Variants in ARAP1 observed in about 807,000 individuals in gnomAD.
ARAP1 encodes the protein arf-GAP with Rho-GAP domain, ANK repeat and PH domain-containing protein 1.
A neutral mutation model predicts 172.2 loss-of-function variants in ARAP1; 76 were observed. The observed-to-expected ratio is 0.44, with a 90% CI of 0.37 to 0.53. ARAP1 has a LOEUF of 0.53. Ranked by LOEUF, ARAP1 falls within the 20% of genes least tolerant of loss-of-function variation. The probability of loss-of-function intolerance (pLI) is 0.00; values close to 1 mark genes in which losing one functional copy is unlikely to be tolerated. For missense variants in ARAP1, 1,686 were observed against 1,977.5 expected, an observed-to-expected ratio of 0.85 and a Z score of 2.80; for synonymous variants, 804 against 803.3, an observed-to-expected ratio of 1.00 and a Z score of -0.01.
intron 1 of ARAP1, among the ~76,000 whole-genome samples, chr11:72,734,531 C>A (rs1210814449): frequency 6.6e-6 from 1 of 152,166 alleles, no homozygotes; most frequent in East Asian, 1.9e-4. Context: ...GAAAAAGAGA[C>A]CACATAAACA....
chr11:72,717,074 A>G (rs535140822), intron 3 of ARAP1, among the ~76,000 whole-genome samples: 5 of 152,246 alleles, frequency 3.3e-5, no homozygotes, highest in Admixed American at 2.6e-4. Flanking sequence ...AGGTGGGTGG[A>G]CAGGTGGGCA....
chr11:72,722,870 C>T (rs1427571131), intron 3 of ARAP1, among the ~76,000 whole-genome samples: 2 of 152,276 alleles, frequency 1.3e-5, no homozygotes, highest in Middle Eastern at 3.4e-3. Context: ...CTCATGTCTG[C>T]GGCATTTAAG....
In ARAP1 at chr11:72,726,955, G is replaced by A. The variant is rs1300359464; in HGVS notation, c.174C>T (p.Arg58=). 1.9e-6 allele frequency: 3 copies of A among 1,599,542 alleles called. No individual in the cohort carries two copies. The highest frequency in any genetic ancestry group is 2.3e-5 in the East Asian group (1 of 44,206). Residue 58 remains arginine (R), a synonymous_variant, in exon 3 of 35, where the codon CGC becomes CGT. Coordinates refer to ENST00000393609, the MANE Select transcript of ARAP1 (RefSeq NM_001040118.3). This position sits in a 1 kb window ranked among gnomAD's most constrained non-coding sequence, Gnocchi z 6.5. ...CACGGAGCAGGCCAGCCAGGATGCG[G>A]CGGCGGTGACCAGGGAGTAGCATGC... ...DMGMLLPGHR[R]RILAGLLRAH... is the part of the protein sequence containing the mutation.
In ARAP1 at chr11:72,685,079, T is replaced by C. The variant is rs1463207891; in HGVS notation, c.*585A>G. 6.5e-6 allele frequency: 1 copy of C among 153,158 alleles called. No homozygotes were observed. The highest frequency in any genetic ancestry group is 6.5e-5 in the Admixed American group (1 of 15,460). The allele number at this position is 153,158 out of a possible 1,614,324, so 9.5% of individuals were successfully genotyped here. On this transcript the variant is annotated 3_prime_UTR_variant, in exon 35 of 35. Transcript: ENST00000393609. ...CAGGCCTCAGCACCATAGGGTAAAA[T>C]ATACAGATATATTTATATTATCAAA...
chr11:72,693,235 A>T lies in ARAP1; in HGVS notation c.3954+90T>A. The T allele has an allele frequency of 6.6e-7, 1 of 1,526,428 alleles. No homozygotes were observed. The highest frequency in any genetic ancestry group is 8.9e-7 in the Non-Finnish European group (1 of 1,124,850). 94.6% of individuals were successfully genotyped at this position (1,526,428 alleles called of 1,614,324 possible). ...GCCATCCTGAGAGCCTGTAACGGGAATATTTCCACTTGCAGACCAAGGGGA... is the reference window on the plus strand; with the variant it reads ...GCCATCCTGAGAGCCTGTAACGGGATTATTTCCACTTGCAGACCAAGGGGA... On this transcript the variant is annotated intron_variant, in intron 29 of 34. Transcript: ENST00000393609. This position sits in a 1 kb window ranked among gnomAD's most constrained non-coding sequence, Gnocchi z 4.6.
At chr11:72,712,376 G>A (rs766562719) in intron 6 of ARAP1, 37 bp from the exon 7 acceptor site, 7 of 1,537,474 alleles carry the variant, frequency 4.6e-6, no homozygotes, top group Non-Finnish European at 6.2e-6. Flanking sequence ...CCGGGCTGAG[G>A]AGGCAAGGAG....
At chr11:72,708,987 A>G (rs1396252384) in intron 11 of ARAP1, among the ~76,000 whole-genome samples, 1 of 149,994 alleles carries the variant, frequency 6.7e-6, no homozygotes, top group East Asian at 2.0e-4. Context: ...CAGTGAGCCG[A>G]GATCGTGCCA....
rs139543746 is a variant in ARAP1 at position 72,731,743 on chromosome 11, C to T, written c.-45+772G>A. ...TCTTTAGATCCTGGAAGGAGCCCTG[C>T]ACCTCAAACTCCAGCTTCCCTGGAA... On this transcript the variant is annotated intron_variant, in intron 2 of 34. Transcript: ENST00000393609. Among the ~76,000 whole-genome samples, 560 of 152,324 alleles carry T rather than the reference C, an allele frequency of 3.7e-3. 4 individuals are homozygous for T. The highest frequency in any genetic ancestry group is 0.013 in the African/African-American group (537 of 41,580).
At chr11:72,737,195 T>C (rs1858056581) in intron 1 of ARAP1, among the ~76,000 whole-genome samples, 1 of 152,166 alleles carries the variant, frequency 6.6e-6, no homozygotes, top group Admixed American at 6.5e-5. Context: ...TGAGAGTCCA[T>C]ACCCCTTCTT....
intron 7 of ARAP1, 92 bp downstream of exon 7, chr11:72,712,104 G>C: frequency 6.9e-7 from 1 of 1,458,338 alleles, no homozygotes; most frequent in Non-Finnish European, 9.0e-7. Flanking sequence ...CTGGTTTTCA[G>C]ATCAGTGAGT....
chr11:72,718,061 C>T (rs1362574624), intron 3 of ARAP1, among the ~76,000 whole-genome samples: 1 of 152,182 alleles, frequency 6.6e-6, no homozygotes, highest in East Asian at 1.9e-4. Flanking sequence ...AGGGAAGGGA[C>T]CGTGTCTCAC....
At position 72,698,924 on chromosome 11, in the gene ARAP1, C is replaced by T. The variant is rs77642908; in HGVS notation, c.2541+81G>A. 1,623 of 1,415,444 alleles carry T rather than the reference C, an allele frequency of 1.1e-3. 13 individuals are homozygous for T. Among genetic ancestry groups the T allele is most frequent in the African/African-American group, 9.8e-3 (697 of 71,104 alleles). 87.7% of individuals were successfully genotyped at this position (1,415,444 alleles called of 1,614,324 possible). On this transcript the variant is annotated intron_variant, in intron 18 of 34. Coordinates refer to ENST00000393609, the MANE Select transcript of ARAP1 (RefSeq NM_001040118.3). ...AGCTTCTGCTCTCTAGACGGGGGAG[C>T]TGGGATACATGGGATTGGCCAGGAG...
At position 72,699,465 on chromosome 11, in the gene ARAP1, C is replaced by T. The variant is rs868443701; in HGVS notation, c.2390G>A (p.Arg797Gln). 22 of 1,613,942 alleles carry T rather than the reference C, an allele frequency of 1.4e-5. No individual in the cohort carries two copies. The highest frequency in any genetic ancestry group is 1.1e-4 in the East Asian group (5 of 44,888). Residue 797 changes from arginine (R) to glutamine (Q), a missense_variant, in exon 17 of 35, where the codon CGG becomes CAG. Physicochemically the swap from Arg to Gln is conservative, Grantham distance 43. Coordinates refer to ENST00000393609, the MANE Select transcript of ARAP1 (RefSeq NM_001040118.3). The surrounding 1 kb of genome is among the most constrained non-coding windows in gnomAD (Gnocchi z 4.2). The stretch of plus-strand genomic sequence containing the variant: ...TGCCAGGCACACAATCTCGCTGGCC[C>T]GAATCTCTCCATTGGGGGTCACTGC... ...ERAVTPNGEI[R>Q]ASEIVCLAVP...
intron 33 of ARAP1, 106 bp from the exon 34 acceptor site, chr11:72,686,297 T>G (rs1855680901): frequency 7.1e-7 from 1 of 1,413,730 alleles, no homozygotes; most frequent in Non-Finnish European, 9.5e-7. Context: ...TGGTCTGAGA[T>G]GACACCCTCA....
intron 27 of ARAP1, among the ~76,000 whole-genome samples, chr11:72,694,077 C>T (rs543165944): frequency 7.3e-5 from 11 of 150,158 alleles, no homozygotes; most frequent in African/African-American, 2.7e-4. Flanking sequence ...TCCCTGTGGC[C>T]CCCATCAGGG....
rs1419564693 is a variant in ARAP1 at position 72,714,332 on chromosome 11, A to G, written c.510-11T>C. 1.3e-6 allele frequency: 2 copies of G among 1,545,730 alleles called. No individual in the cohort carries two copies. Among genetic ancestry groups the G allele is most frequent in the Non-Finnish European group, 8.7e-7 (1 of 1,144,514 alleles). ...TCCTTAGTGGGCAGGCTGGGAACACAACAAAAGTTGGGCATCACTAAGCAA... is the reference window on the plus strand; with the variant it reads ...TCCTTAGTGGGCAGGCTGGGAACACGACAAAAGTTGGGCATCACTAAGCAA... On this transcript the variant is annotated splice_polypyrimidine_tract_variant and intron_variant, in intron 3 of 34. Coordinates refer to ENST00000393609, the MANE Select transcript of ARAP1 (RefSeq NM_001040118.3).
chr11:72,752,050 C>A (rs1408044025), intron 1 of ARAP1, among the ~76,000 whole-genome samples: 1 of 152,216 alleles, frequency 6.6e-6, no homozygotes, highest in Admixed American at 6.5e-5. Context: ...CCCCAAGGCG[C>A]CCGAGGGCGG....
rs1445943851 is a variant in ARAP1, at chr11:72,727,119, C to T, written c.10G>A (p.Ala4Thr). The T allele has an allele frequency of 6.3e-7, 1 of 1,586,418 alleles. No homozygotes were observed. The highest frequency in any genetic ancestry group is 8.6e-7 in the Non-Finnish European group (1 of 1,162,212). ...GCCACCGATAGCGCAGCATCCCCAG[C>T]CTCTGCCATGGTTCCTGCCAGCGGA... MAE[A>T]GDAALSVAEW... The change falls in exon 3 of 35, where the codon GCT (alanine) becomes ACT (threonine). Residue 4 changes from alanine (A) to threonine (T), a missense_variant. Physicochemically the swap from Ala to Thr is moderately conservative, Grantham distance 58. Transcript: ENST00000393609.
intron 3 of ARAP1, among the ~76,000 whole-genome samples, chr11:72,714,916 C>A (rs1857209777): frequency 6.6e-6 from 1 of 152,186 alleles, no homozygotes; most frequent in African/African-American, 2.4e-5. Context: ...TGCTACCTCA[C>A]CCCACTCACT....
Sources: allele counts gnomAD v4.1 joint callset (sites outside exome capture counted in the v4.1 genomes callset), GRCh38; gene constraint gnomAD v4.1.1; non-coding constraint Gnocchi (gnomAD v3.1); transcripts MANE v1.5; gene names NCBI Gene and HGNC (gene_info 2026-07-23, HGNC 2026-07-21).